The following IL1RAPL1 variants were observed in gnomAD, a reference collection of about 807,000 sequenced individuals.
The protein encoded by IL1RAPL1 is interleukin 1 receptor accessory protein like 1.
In IL1RAPL1, 3 loss-of-function variants were observed where a neutral mutation model predicts 48.4. The ratio of observed to expected loss-of-function variants is 0.06; its 90% confidence interval spans 0.03 to 0.16. The LOEUF (loss-of-function observed/expected upper bound fraction) is 0.16. Ranked by LOEUF, IL1RAPL1 falls within the 10% of genes least tolerant of loss-of-function variation. IL1RAPL1 has a pLI of 1.00. For missense variants in IL1RAPL1, 349 were observed against 530.6 expected (o/e 0.66, Z 3.36); for synonymous variants, 185 against 187.7 (o/e 0.99, Z 0.12).
intron 5 of IL1RAPL1, among the ~76,000 whole-genome samples, chrX:29,629,005 A>G (rs369584135): frequency 2.0e-4 from 22 of 112,218 alleles, no homozygotes; most frequent in African/African-American, 6.1e-4. Context: ...AAAATAGTCC[A>G]GGACTGAGAA....
chrX:29,280,639 TAGC>T (rs1321785943), intron 2 of IL1RAPL1, among the ~76,000 whole-genome samples: 1 of 112,221 alleles, frequency 8.9e-6, no homozygotes, highest in Admixed American at 9.5e-5. Flanking sequence ...CTGAGCTGGT[TAGC>T]AGGCACAATT....
At chrX:29,928,069 CA>C (rs1350903309) in intron 8 of IL1RAPL1, among the ~76,000 whole-genome samples, 2 of 111,670 alleles carry the variant, frequency 1.8e-5, no homozygotes, top group Non-Finnish European at 3.8e-5. Flanking sequence ...GGCTATAAAA[CA>C]CAAGTATTTT....
At chrX:28,790,262 A>C (rs1172102367) in intron 2 of IL1RAPL1, among the ~76,000 whole-genome samples, 1 of 112,483 alleles carries the variant, frequency 8.9e-6, no homozygotes, top group Non-Finnish European at 1.9e-5. Flanking sequence ...AGCCTGTGGG[A>C]AAAAGAAGAT....
chrX:29,675,477 A>G (rs182799314), intron 6 of IL1RAPL1, among the ~76,000 whole-genome samples: 3 of 112,568 alleles, frequency 2.7e-5, no homozygotes, highest in African/African-American at 9.7e-5. Context: ...GTACTATTTT[A>G]TTTGTTATCA....
intron 1 of IL1RAPL1, among the ~76,000 whole-genome samples, chrX:28,689,235 C>T (rs1208141532): frequency 1.8e-5 from 2 of 111,046 alleles, no homozygotes; most frequent in Non-Finnish European, 3.8e-5. Context: ...TAATAATCCC[C>T]ATGGGTCATG....
chrX:29,874,001 T>G (rs1192997208), intron 6 of IL1RAPL1, among the ~76,000 whole-genome samples: 1 of 112,432 alleles, frequency 8.9e-6, no homozygotes, highest in Non-Finnish European at 1.9e-5. Flanking sequence ...AAAATGCTAT[T>G]GCTCTGCACC....
intron 5 of IL1RAPL1, among the ~76,000 whole-genome samples, chrX:29,611,437 G>C (rs9781053): frequency 0.1 from 11,183 of 111,122 alleles, 662 homozygotes; most frequent in African/African-American, 0.21. Context: ...TTTGAGTTGT[G>C]CCACCTTTCT....
At chrX:29,614,916 C>T (rs990520676) in intron 5 of IL1RAPL1, among the ~76,000 whole-genome samples, 9 of 108,154 alleles carry the variant, frequency 8.3e-5, no homozygotes, top group African/African-American at 1.7e-4. Context: ...GCGGAGATCG[C>T]GACACTGCAC....
At chrX:29,670,855 C>T (rs1926121685) in intron 6 of IL1RAPL1, among the ~76,000 whole-genome samples, 2 of 111,628 alleles carry the variant, frequency 1.8e-5, no homozygotes, top group African/African-American at 6.5e-5. Context: ...AAGAGGGTGG[C>T]CTGCGCCCAT....
intron 2 of IL1RAPL1, among the ~76,000 whole-genome samples, chrX:29,158,766 A>C (rs778384154): frequency 5.4e-5 from 6 of 111,205 alleles, no homozygotes; most frequent in Non-Finnish European, 9.4e-5. Flanking sequence ...GAGTCTCATC[A>C]CACTTGACAC....
intron 3 of IL1RAPL1, among the ~76,000 whole-genome samples, chrX:29,333,712 AC>A (rs1233804557): frequency 1.9e-5 from 1 of 51,390 alleles, no homozygotes; most frequent in African/African-American, 8.9e-5. Context: ...CGGGGGGCTG[AC>A]CCCCCCACCT....
chrX:28,985,332 G>C (rs909271170), intron 2 of IL1RAPL1, among the ~76,000 whole-genome samples: 8 of 111,833 alleles, frequency 7.2e-5, no homozygotes, highest in Non-Finnish European at 1.3e-4. Context: ...TATCAATTGT[G>C]ATCACTGTAA....
chrX:29,175,911 A>AT (rs1226518867), intron 2 of IL1RAPL1, among the ~76,000 whole-genome samples: 15 of 104,939 alleles, frequency 1.4e-4, no homozygotes, highest in African/African-American at 5.2e-4. Context: ...GAAAATTTAC[A>AT]TTTTTCTTGA....
chrX:29,313,309 G>A (rs1342881877), intron 3 of IL1RAPL1, among the ~76,000 whole-genome samples: 1 of 107,298 alleles, frequency 9.3e-6, no homozygotes, highest in Non-Finnish European at 1.9e-5. Context: ...GCATTCTCAC[G>A]CTCATAGTCT....
intron 1 of IL1RAPL1, among the ~76,000 whole-genome samples, chrX:28,662,268 C>T (rs1246931361): frequency 9.0e-6 from 1 of 110,826 alleles, no homozygotes; most frequent in Admixed American, 9.7e-5. Flanking sequence ...TCACAGAGGG[C>T]GGGCCTCCAG....
intron 1 of IL1RAPL1, among the ~76,000 whole-genome samples, chrX:28,777,027 G>C (rs188134310): frequency 8.9e-6 from 1 of 111,852 alleles, no homozygotes; most frequent in South Asian, 3.7e-4. Context: ...CACAAACTTC[G>C]TGGCTCAAAA....
intron 2 of IL1RAPL1, among the ~76,000 whole-genome samples, chrX:28,969,596 T>A (rs1925005021): frequency 9.1e-6 from 1 of 110,369 alleles, no homozygotes; most frequent in African/African-American, 3.3e-5. Flanking sequence ...TGATGATGTT[T>A]GTTAGGTTTA....
intron 5 of IL1RAPL1, among the ~76,000 whole-genome samples, chrX:29,497,419 G>A (rs1935225578): frequency 9.0e-6 from 1 of 111,663 alleles, no homozygotes; most frequent in Admixed American, 9.5e-5. Flanking sequence ...ATTGAAAGAA[G>A]AATAGCTGTT....
chrX:28,993,101 A>G (rs1925649226), intron 2 of IL1RAPL1, among the ~76,000 whole-genome samples: 1 of 112,065 alleles, frequency 8.9e-6, no homozygotes, highest in South Asian at 3.7e-4. Context: ...TAAGACCTTA[A>G]CATTCAGCGA....
Sources: allele counts gnomAD v4.1 joint callset (sites outside exome capture counted in the v4.1 genomes callset), GRCh38; gene constraint gnomAD v4.1.1; transcripts MANE v1.5; gene names NCBI Gene and HGNC (gene_info 2026-07-23, HGNC 2026-07-21).